Variants in RABEP1 observed in about 807,000 individuals in gnomAD.
RABEP1 encodes rabaptin, RAB GTPase binding effector protein 1, also known as rab GTPase-binding effector protein 1.
In RABEP1, 51 loss-of-function variants were observed where a neutral mutation model predicts 123.4. The ratio of observed to expected loss-of-function variants is 0.41; its 90% CI spans 0.33 to 0.52. The LOEUF (loss-of-function observed/expected upper bound fraction) is 0.52, where lower values mean the gene tolerates loss of function less well. Ranked by LOEUF, RABEP1 falls within the 20% of genes least tolerant of loss-of-function variation. RABEP1 has a pLI of 0.16. For synonymous variants in RABEP1, 347 were observed against 355.2 expected (o/e 0.98, Z 0.26); for missense variants, 888 against 996.3 (o/e 0.89, Z 1.46).
At chr17:5,297,526 A>G (rs1017254985) in intron 1 of RABEP1, among the ~76,000 whole-genome samples, 1 of 152,176 alleles carries the variant, frequency 6.6e-6, no homozygotes, top group Non-Finnish European at 1.5e-5. Flanking sequence ...TCAGTGTTTG[A>G]ATCCAGCTCT....
chr17:5,366,939 A>G (rs926797144), intron 11 of RABEP1, among the ~76,000 whole-genome samples: 2 of 151,292 alleles, frequency 1.3e-5, no homozygotes, highest in Non-Finnish European at 2.9e-5. Flanking sequence ...AAAATACAAA[A>G]TTAGCCGAGT....
rs559982067 is a variant in RABEP1 at position 5,342,593 on chromosome 17, G to A, written c.649-4197G>A. ...TGCACTCCAGCCTGGGCAGTAGAGC[G>A]AGACTCTGTCTCACACACACACAGC... On this transcript the variant is annotated intron_variant, in intron 5 of 17. Transcript: ENST00000537505. 6.6e-5 allele frequency among the ~76,000 whole-genome samples: 10 copies of A among 152,246 alleles called. No individual in the cohort carries two copies. In the South Asian group the frequency reaches 1.9e-3, roughly 28 times the overall value.
intron 1 of RABEP1, among the ~76,000 whole-genome samples, chr17:5,296,827 G>C (rs1009870694): frequency 6.6e-6 from 1 of 152,150 alleles, no homozygotes; most frequent in African/African-American, 2.4e-5. Context: ...GCTCACGGTA[G>C]CCTTGACCCC....
At chr17:5,328,150 A>G (rs1230872063) in intron 2 of RABEP1, among the ~76,000 whole-genome samples, 1 of 152,252 alleles carries the variant, frequency 6.6e-6, no homozygotes, top group Non-Finnish European at 1.5e-5. Flanking sequence ...TACGCACTGT[A>G]ATGATAAACC....
rs746847965 is a variant in RABEP1, at chr17:5,338,212, G to A, written c.648+74G>A. ...AATGCCATGAACAAAATTAGAATCA[G>A]TAATAGGGAAAAAAACCTGTAATTT... On this transcript the variant is annotated intron_variant, in intron 5 of 17. Transcript: ENST00000537505. 2.8e-6 allele frequency: 4 copies of A among 1,452,462 alleles called. No individual in the cohort carries two copies. In the Admixed American group the frequency reaches 6.8e-5, roughly 25 times the overall value. 90.0% of individuals were successfully genotyped at this position (1,452,462 alleles called of 1,614,324 possible).
intron 12 of RABEP1, among the ~76,000 whole-genome samples, chr17:5,371,880 T>C (rs986026216): frequency 6.6e-6 from 1 of 152,146 alleles, no homozygotes; most frequent in Non-Finnish European, 1.5e-5. Flanking sequence ...TCTTTGTCTT[T>C]TATCTCTGTA....
At chr17:5,312,691 C>T (rs1440587750) in intron 2 of RABEP1, among the ~76,000 whole-genome samples, 30 of 152,096 alleles carry the variant, frequency 2.0e-4, no homozygotes, top group Non-Finnish European at 2.9e-5. Context: ...CTGCAAGACA[C>T]TGTGGAGGTT....
intron 3 of RABEP1, among the ~76,000 whole-genome samples, chr17:5,334,203 C>G (rs999624910): frequency 6.6e-6 from 1 of 151,552 alleles, no homozygotes; most frequent in Non-Finnish European, 1.5e-5. Context: ...CCCAAATAAT[C>G]TTTTCTTTTT....
intron 6 of RABEP1, among the ~76,000 whole-genome samples, chr17:5,348,702 G>A (rs1447358727): frequency 4.6e-5 from 7 of 151,766 alleles, no homozygotes; most frequent in Non-Finnish European, 7.4e-5. Context: ...CTGGGACTAC[G>A]GATGCCCACC....
chr17:5,375,795 CTCTTT>C (rs1371095916), intron 13 of RABEP1, among the ~76,000 whole-genome samples: 6 of 151,956 alleles, frequency 3.9e-5, no homozygotes, highest in Non-Finnish European at 8.8e-5. Context: ...TTAGATTTTT[CTCTTT>C]TGTCAGGAAA....
rs1199608653 is a variant in RABEP1 at position 5,316,899 on chromosome 17, ATTTTT to A, written c.163+8082_163+8086del. On this transcript the variant is annotated intron_variant, in intron 2 of 17. Transcript: ENST00000537505. ...AATACAGAAATTGATAAATTTAAAA[ATTTTT>A]TTTTAATGTTTATCTTTTGAGATGA... 1.2e-3 allele frequency among the ~76,000 whole-genome samples: 175 copies of A among 150,684 alleles called. 1 individual carries two copies. Among genetic ancestry groups the A allele is most frequent in the African/African-American group, 3.9e-3 (159 of 41,186 alleles).
At chr17:5,329,821 A>G (rs1368184814) in intron 2 of RABEP1, among the ~76,000 whole-genome samples, 1 of 30,246 alleles carries the variant, frequency 3.3e-5, no homozygotes, top group Non-Finnish European at 5.4e-5. Context: ...ATATGTTCAT[A>G]TATATATATA....
intron 8 of RABEP1, among the ~76,000 whole-genome samples, chr17:5,360,334 C>T (rs1004529511): frequency 2.0e-5 from 3 of 152,132 alleles, no homozygotes; most frequent in Non-Finnish European, 2.9e-5. Flanking sequence ...AGGCTGAGGT[C>T]GGGGGATCAC....
chr17:5,361,175 T>C, intron 8 of RABEP1, 33 bp from the exon 9 acceptor site: 3 of 1,564,158 alleles, frequency 1.9e-6, no homozygotes, highest in Non-Finnish European at 2.6e-6. Context: ...CAGAGAATTG[T>C]CTAACTTGGC....
intron 1 of RABEP1, among the ~76,000 whole-genome samples, chr17:5,296,349 C>T (rs150590366): frequency 3.9e-5 from 6 of 152,206 alleles, no homozygotes; most frequent in Non-Finnish European, 7.4e-5. Context: ...CCACAACCTC[C>T]GCCTCCAAAG....
At chr17:5,314,719 C>T (rs1317138269) in intron 2 of RABEP1, among the ~76,000 whole-genome samples, 3 of 152,106 alleles carry the variant, frequency 2.0e-5, no homozygotes, top group Admixed American at 1.3e-4. Flanking sequence ...GGGGTTTCAC[C>T]GTGTTAGCCA....
chr17:5,287,829 C>G (rs2074994349), intron 1 of RABEP1, among the ~76,000 whole-genome samples: 1 of 151,724 alleles, frequency 6.6e-6, no homozygotes, highest in Non-Finnish European at 1.5e-5. Flanking sequence ...GGAGGATCAC[C>G]TAAGCCTGGG....
intron 1 of RABEP1, among the ~76,000 whole-genome samples, chr17:5,307,607 G>C (rs1422389467): frequency 6.6e-6 from 1 of 152,198 alleles, no homozygotes; most frequent in African/African-American, 2.4e-5. Flanking sequence ...TATGGTCATA[G>C]CTTTAAGGCT....
chr17:5,362,617 T>G (rs1000232539), intron 9 of RABEP1, among the ~76,000 whole-genome samples: 1 of 152,236 alleles, frequency 6.6e-6, no homozygotes, highest in Non-Finnish European at 1.5e-5. Flanking sequence ...GGTTGTTTAG[T>G]ATTATACCAT....
Sources: gnomAD v4.1 joint callset for allele counts (sites outside exome capture counted in the v4.1 genomes callset) on GRCh38, gnomAD v4.1.1 for gene constraint, MANE v1.5 for transcripts, NCBI Gene and HGNC (gene_info 2026-07-23, HGNC 2026-07-21) for gene names.